Variants in RBMS2 observed in about 807,000 individuals in gnomAD.
RBMS2 encodes RNA binding motif single stranded interacting protein 2.
Under a neutral mutation model 58.4 loss-of-function variants are expected in RBMS2, and 38 were observed. The observed-to-expected ratio is 0.65, with a 90% CI of 0.50 to 0.85. RBMS2 has a LOEUF of 0.85. RBMS2 is among the 40% of genes least tolerant of loss of function. The probability of loss-of-function intolerance (pLI) is 0.00; values close to 1 mark genes in which losing one functional copy is unlikely to be tolerated. For synonymous variants in RBMS2, 151 were observed against 180.7 expected (o/e 0.84, Z 1.32); for missense variants, 367 against 503.7 (o/e 0.73, Z 2.60).
At chr12:56,581,630 T>C (rs1565779107) in intron 7 of RBMS2, 122 bp downstream of exon 7, 18 of 1,191,352 alleles carry the variant, frequency 1.5e-5, no homozygotes, top group Non-Finnish European at 2.2e-5. Flanking sequence ...AATTGAGAAA[T>C]GCTGGCTGTG....
At chr12:56,584,701 C>A (rs965368353) in intron 9 of RBMS2, among the ~76,000 whole-genome samples, 1 of 151,724 alleles carries the variant, frequency 6.6e-6, no homozygotes, top group East Asian at 1.9e-4. Flanking sequence ...AGGAGAATGG[C>A]GTGAACCTGA....
At chr12:56,538,022 TTTTA>T (rs35430429) in intron 1 of RBMS2, among the ~76,000 whole-genome samples, 90,091 of 149,834 alleles carry the variant, frequency 0.6, 27,506 homozygotes, top group East Asian at 0.71. Flanking sequence ...GCTTATTTTA[TTTTA>T]TTTATTTATT....
At chr12:56,538,976 T>G (rs1401622325) in intron 1 of RBMS2, among the ~76,000 whole-genome samples, 3 of 136,902 alleles carry the variant, frequency 2.2e-5, no homozygotes, top group Non-Finnish European at 4.8e-5. Context: ...AATTTCCTTT[T>G]CAAATCATTC....
upstream of RBMS2, among the ~76,000 whole-genome samples, chr12:56,521,240 C>T (rs1041392388): frequency 6.6e-6 from 1 of 151,892 alleles, no homozygotes; most frequent in Admixed American, 6.6e-5. Flanking sequence ...ACCAGCCTGG[C>T]CAAGATGGCG....
chr12:56,527,605 A>T (rs1389296409), intron 1 of RBMS2, among the ~76,000 whole-genome samples: 2 of 151,850 alleles, frequency 1.3e-5, no homozygotes, highest in African/African-American at 2.4e-5. Flanking sequence ...CAACAGCGAG[A>T]CTCCATCTCA....
rs180691498 is a variant in RBMS2, at chr12:56,586,605, G to A, written c.874-244G>A. On this transcript the variant is annotated intron_variant, in intron 9 of 13. Coordinates refer to ENST00000262031, the MANE Select transcript of RBMS2 (RefSeq NM_002898.4). ...TTTAGTGACAGGGTCTCACTCTGTC[G>A]CCCAGGCTGGAGTGCAGTGTCAGAA... Among the ~76,000 whole-genome samples, 898 of 149,936 alleles carry A rather than the reference G, an allele frequency of 6.0e-3. 4 individuals carry two copies. The highest frequency in any genetic ancestry group is 0.018 in the African/African-American group (746 of 40,740).
Position 56,564,122 on chromosome 12 carries a change from T to G in RBMS2, c.233+1539T>G, listed in dbSNP as rs187423173. 4.0e-3 allele frequency among the ~76,000 whole-genome samples: 606 copies of G among 150,362 alleles called. 4 individuals carry two copies. The highest frequency in any genetic ancestry group is 0.014 in the African/African-American group (557 of 41,110). ...GCCACCACATCGGGCTAATTTTTGT[T>G]TTTTTTTTTGCTAGAGATGGGGTTT... On this transcript the variant is annotated intron_variant, in intron 2 of 13. Transcript: ENST00000262031.
chr12:56,539,179 C>G (rs1308471589), intron 1 of RBMS2, among the ~76,000 whole-genome samples: 1 of 151,992 alleles, frequency 6.6e-6, no homozygotes, highest in Non-Finnish European at 1.5e-5. Context: ...CCACGCCCAG[C>G]TAACTTTTTG....
rs947606008 is a variant in RBMS2 at position 56,590,564 on chromosome 12, G to A, written c.*1431G>A. 6.6e-6 allele frequency: 1 copy of A among 152,152 alleles called. No homozygotes were observed. The highest frequency in any genetic ancestry group is 1.5e-5 in the Non-Finnish European group (1 of 68,038). 9.4% of individuals were successfully genotyped at this position (152,152 alleles called of 1,614,324 possible). A position where few individuals can be genotyped will look rare whatever the true frequency, so the allele number is the denominator to read the frequency against. On this transcript the variant is annotated 3_prime_UTR_variant, in exon 14 of 14. Transcript: ENST00000262031. ...AGACAGTGTTGTCCCTGCCTCCTGG[G>A]TTAGGGTAAATTTTCACCCCAACCC...
chr12:56,586,786 T>C, intron 9 of RBMS2, 63 bp from the exon 10 acceptor site: 1 of 1,390,926 alleles, frequency 7.2e-7, no homozygotes, highest in South Asian at 1.2e-5. Flanking sequence ...TTGAACATTA[T>C]TAGATCTGTG....
At chr12:56,566,774 C>T (rs1374280499) in intron 2 of RBMS2, among the ~76,000 whole-genome samples, 9 of 152,060 alleles carry the variant, frequency 5.9e-5, no homozygotes, top group Non-Finnish European at 8.8e-5. Context: ...GCCGAGATCA[C>T]GCCACTGCAC....
chr12:56,526,517 A>G (rs553618863), intron 1 of RBMS2, among the ~76,000 whole-genome samples: 1 of 151,874 alleles, frequency 6.6e-6, no homozygotes, highest in South Asian at 2.1e-4. Context: ...TTTTCTCAGG[A>G]AGTAGTGTTA....
At position 56,587,569 on chromosome 12, in the gene RBMS2, C is replaced by G; in HGVS notation, c.967C>G (p.Pro323Ala). 2 of 1,613,856 alleles carry G rather than the reference C, an allele frequency of 1.2e-6. No individual in the cohort carries two copies. The highest frequency in any genetic ancestry group is 4.5e-5 in the East Asian group (2 of 44,870). ...LMQPSGSVLTPGMDHPISLQP... is the reference protein window; with the variant it reads ...LMQPSGSVLTAGMDHPISLQP... Reference sequence around the variant, plus strand: ...CTGCCTCTAGGGTTCAGTTCTGACACCAGGGATGGACCATCCCATTTCTCT... The same window carrying G: ...CTGCCTCTAGGGTTCAGTTCTGACAGCAGGGATGGACCATCCCATTTCTCT... Residue 323 changes from proline to alanine, a missense_variant, in exon 11 of 14, where the codon CCA (proline) becomes GCA (alanine). Transcript: ENST00000262031.
At chr12:56,559,579 C>T (rs1261741572) in intron 1 of RBMS2, among the ~76,000 whole-genome samples, 3 of 149,760 alleles carry the variant, frequency 2.0e-5, no homozygotes, top group Non-Finnish European at 4.4e-5. Context: ...CGGCCGGGCG[C>T]GGTGGCTCAT....
In RBMS2 at chr12:56,591,898, G is replaced by C. The variant is rs1246895408; in HGVS notation, c.*2765G>C. 6.6e-6 allele frequency: 1 copy of C among 152,124 alleles called. No homozygotes were observed. The highest frequency in any genetic ancestry group is 1.5e-5 in the Non-Finnish European group (1 of 68,030). The allele number at this position is 152,124 out of a possible 1,614,324, so 9.4% of individuals were successfully genotyped here. A position where few individuals can be genotyped will look rare whatever the true frequency, so the allele number is the denominator to read the frequency against. ...TTGTATTAATGAGTGTTTCTGGTTTGGGCATGGGAAGTGATGGGGGCCTGA... is the reference window on the plus strand; with the variant it reads ...TTGTATTAATGAGTGTTTCTGGTTTCGGCATGGGAAGTGATGGGGGCCTGA... On this transcript the variant is annotated 3_prime_UTR_variant, in exon 14 of 14. Coordinates refer to ENST00000262031, the MANE Select transcript of RBMS2 (RefSeq NM_002898.4).
intron 2 of RBMS2, among the ~76,000 whole-genome samples, chr12:56,568,603 C>T (rs1295881853): frequency 6.8e-6 from 1 of 147,470 alleles, no homozygotes; most frequent in African/African-American, 2.5e-5. Flanking sequence ...GTGGTGCCAT[C>T]TTGGCTCACT....
At chr12:56,520,759 A>G (rs1332481486), upstream of RBMS2, among the ~76,000 whole-genome samples, 2 of 152,104 alleles carry the variant, frequency 1.3e-5, no homozygotes, top group Non-Finnish European at 2.9e-5. Flanking sequence ...CAGCTCAAAG[A>G]CAACTCAAAG....
chr12:56,559,927 C>T lies in RBMS2; in HGVS notation c.67-2490C>T, dbSNP rs375231981. Among the ~76,000 whole-genome samples, 17 of 144,036 alleles carry T rather than the reference C, an allele frequency of 1.2e-4. 1 individual carries two copies. The highest frequency in any genetic ancestry group is 4.3e-4 in the East Asian group (2 of 4,686). 94.5% of individuals were successfully genotyped at this position (144,036 alleles called of 152,430 possible). A position where few individuals can be genotyped will look rare whatever the true frequency, so the allele number is the denominator to read the frequency against. ...TTTTTTTTTTTGAGACGGAGTCGCC[C>T]TCTGTCACCCAGGCTGGAATGCAGT... On this transcript the variant is annotated intron_variant, in intron 1 of 13. Coordinates refer to ENST00000262031, the MANE Select transcript of RBMS2 (RefSeq NM_002898.4).
At chr12:56,535,187 T>C (rs2136273626) in intron 1 of RBMS2, among the ~76,000 whole-genome samples, 1 of 152,216 alleles carries the variant, frequency 6.6e-6, no homozygotes, top group East Asian at 1.9e-4. Flanking sequence ...TCTATACTTC[T>C]CTCTTCATAG....
Sources: gnomAD v4.1 joint callset for allele counts (sites outside exome capture counted in the v4.1 genomes callset) on GRCh38, gnomAD v4.1.1 for gene constraint, MANE v1.5 for transcripts, NCBI Gene and HGNC (gene_info 2026-07-23, HGNC 2026-07-21) for gene names.